The following SNX18 variants were observed in gnomAD, a reference collection of about 807,000 sequenced individuals.
The protein encoded by SNX18 is sorting nexin-18.
Under a neutral mutation model 48.7 loss-of-function variants are expected in SNX18, and 35 were observed. That is an observed-to-expected ratio of 0.72 (90% CI 0.55 to 0.95). The LOEUF is 0.95. SNX18 is among the 40% of genes least tolerant of loss of function. The pLI is 0.00. For synonymous variants in SNX18, 492 were observed against 384.7 expected (o/e 1.28, Z -3.26); for missense variants, 824 against 871.0 (o/e 0.95, Z 0.68).
At position 54,518,836 on chromosome 5, in the gene SNX18, A is replaced by C; in HGVS notation, c.884A>C (p.Tyr295Ser). 6.2e-7 allele frequency: 1 copy of C among 1,610,316 alleles called. No individual in the cohort carries two copies. The highest frequency in any genetic ancestry group is 1.3e-5 in the African/African-American group (1 of 74,958). The change falls in exon 1 of 2, where the codon TAC (tyrosine) becomes TCC (serine). Residue 295 changes from tyrosine to serine, a missense_variant. Transcript: ENST00000381410. The stretch of plus-strand genomic sequence containing the variant: ...ACCAAGTTCAAGGGCATGAAGAGCT[A>C]CATCTCCTACAAGCTGGTGCCCACG... ...KQTKFKGMKS[Y>S]ISYKLVPTHT...
chr5:54,560,841 T>G, the SNX18 span, among the ~76,000 whole-genome samples: 2 of 152,104 alleles, frequency 1.3e-5, no homozygotes, highest in African/African-American at 4.8e-5. Flanking sequence ...CTTGGAACCA[T>G]CAAGCAGATC....
Position 54,520,194 on chromosome 5 carries a change from GTTGTTTAGGAAAA to G in SNX18, c.1621+631_1621+643del, listed in dbSNP as rs545293785. On this transcript the variant is annotated intron_variant, in intron 1 of 1. Transcript: ENST00000381410. ...CTATTAATGTACTGAAATTGAGAAC[GTTGTTTAGGAAAA>G]TTGTTTAGGGAAACTACATAGAATG... 4.7e-4 allele frequency: 102 copies of G among 218,562 alleles called. 1 individual carries two copies. In the East Asian group the frequency reaches 8.8e-3, roughly 19 times the overall value. The allele number at this position is 218,562 out of a possible 1,614,324, so 13.5% of individuals were successfully genotyped here.
intron 1 of SNX18, among the ~76,000 whole-genome samples, chr5:54,537,525 C>T (rs1449281757): frequency 1.3e-5 from 2 of 152,162 alleles, no homozygotes; most frequent in African/African-American, 2.4e-5. Context: ...TAAAGCTGTT[C>T]CCCTAACTAT....
rs774883915 is a variant in SNX18 at position 54,519,281 on chromosome 5, G to T, written c.1329G>T (p.Leu443=). The change falls in exon 1 of 2, where the codon CTG becomes CTT. Residue 443 remains leucine (L), a synonymous_variant. Transcript: ENST00000381410. ...CFTKKMDDSA[L]QLNHTANEFA... is the part of the protein sequence containing the mutation. ...CCAAGAAGATGGACGACAGCGCGCT[G>T]CAGCTCAACCACACGGCCAACGAGT... The T allele has an allele frequency of 2.5e-6, 4 of 1,614,016 alleles. No individual in the cohort carries two copies. In the Admixed American group the frequency reaches 6.7e-5, roughly 27 times the overall value.
At chr5:54,555,221 G>A in the SNX18 span, among the ~76,000 whole-genome samples, 20 of 152,330 alleles carry the variant, frequency 1.3e-4, no homozygotes, top group South Asian at 2.1e-3. Flanking sequence ...TTGGTTAGGT[G>A]TCCTCTGTTG....
chr5:54,525,717 A>G (rs1762120275), intron 1 of SNX18, among the ~76,000 whole-genome samples: 1 of 152,124 alleles, frequency 6.6e-6, no homozygotes, highest in African/African-American at 2.4e-5. Context: ...CAGTTTCCTC[A>G]TCTGTAAAAG....
the SNX18 span, among the ~76,000 whole-genome samples, chr5:54,559,191 A>G: frequency 2.6e-5 from 4 of 152,206 alleles, no homozygotes; most frequent in African/African-American, 4.8e-5. Context: ...TTAAACTATC[A>G]ATGACATTCT....
At chr5:54,590,626 G>A in the SNX18 span, among the ~76,000 whole-genome samples, 1 of 151,986 alleles carries the variant, frequency 6.6e-6, no homozygotes, top group African/African-American at 2.4e-5. Flanking sequence ...CCAATCTTTG[G>A]TCTTTATTCC....
intron 1 of SNX18, among the ~76,000 whole-genome samples, chr5:54,525,483 A>C (rs1317662301): frequency 6.6e-6 from 1 of 152,234 alleles, no homozygotes; most frequent in African/African-American, 2.4e-5. Context: ...GCAAAAGTAC[A>C]AAAGCTCAAG....
At chr5:54,606,334 T>C in the SNX18 span, among the ~76,000 whole-genome samples, 2 of 152,264 alleles carry the variant, frequency 1.3e-5, no homozygotes, top group Non-Finnish European at 2.9e-5. Context: ...TCATCTATCA[T>C]AAAAATAATC....
chr5:54,565,292 C>T, the SNX18 span, among the ~76,000 whole-genome samples: 1 of 152,048 alleles, frequency 6.6e-6, no homozygotes, highest in Non-Finnish European at 1.5e-5. Flanking sequence ...TCTAGGAGTC[C>T]ATCCCGTAGA....
the SNX18 span, among the ~76,000 whole-genome samples, chr5:54,637,565 GATA>G: frequency 6.6e-6 from 1 of 152,118 alleles, no homozygotes; most frequent in African/African-American, 2.4e-5. Flanking sequence ...CGCTAGAAAA[GATA>G]ATAAAAATAG....
the SNX18 span, chr5:54,643,487 A>C: frequency 6.6e-6 from 1 of 152,174 alleles, no homozygotes; most frequent in Non-Finnish European, 1.5e-5. Flanking sequence ...ATCTAAATAA[A>C]TCATATTACC....
At chr5:54,603,027 T>C in the SNX18 span, among the ~76,000 whole-genome samples, 6 of 152,112 alleles carry the variant, frequency 3.9e-5, no homozygotes, top group Non-Finnish European at 8.8e-5. Flanking sequence ...AGAAACCTCA[T>C]GGCAATGTTT....
At chr5:54,558,094 A>C in the SNX18 span, among the ~76,000 whole-genome samples, 2 of 152,286 alleles carry the variant, frequency 1.3e-5, no homozygotes, top group East Asian at 1.9e-4. Context: ...CCTATTTTGC[A>C]GGTAAAAAAG....
chr5:54,518,306 C>T lies in SNX18; in HGVS notation c.354C>T (p.Thr118=), dbSNP rs1761917848. The change falls in exon 1 of 2, where the codon ACC becomes ACT. Residue 118 remains threonine (T), a synonymous_variant. Transcript: ENST00000381410. ...CACAGCAGGCGCCGCCTCCGAGCAC[C>T]TTCCAGCCGCCCGGCGCGGGCTTCC... is the stretch of plus-strand genomic sequence containing the variant. ...LQPQQAPPPS[T]FQPPGAGFPY... 6 of 1,531,642 alleles carry T rather than the reference C, an allele frequency of 3.9e-6. No homozygotes were observed. The highest frequency in any genetic ancestry group is 5.3e-6 in the Non-Finnish European group (6 of 1,142,206). 94.9% of individuals were successfully genotyped at this position (1,531,642 alleles called of 1,614,324 possible).
Position 54,519,535 on chromosome 5 carries a change from A to G in SNX18, c.1583A>G (p.His528Arg). 1 of 1,614,212 alleles carries G rather than the reference A, an allele frequency of 6.2e-7. No homozygotes were observed. Among genetic ancestry groups the G allele is most frequent in the Non-Finnish European group, 8.5e-7 (1 of 1,180,030 alleles). ...GACCTATTAGCGCTGTATCAGGGGC[A>G]TCTGGCTAACTTCCCGGACATCATC... ...VMDLLALYQG[H>R]LANFPDIIHV... The change falls in exon 1 of 2, where the codon CAT (histidine) becomes CGT (arginine). Residue 528 changes from histidine to arginine, a missense_variant. Around this residue, in one of 3 missense-constraint regions of SNX18, gnomAD observed 443 missense variants for 503.6 expected, o/e 0.88. Coordinates refer to ENST00000381410, the MANE Select transcript of SNX18 (RefSeq NM_001102575.2).
At chr5:54,619,153 C>G in the SNX18 span, among the ~76,000 whole-genome samples, 2 of 151,982 alleles carry the variant, frequency 1.3e-5, no homozygotes, top group Non-Finnish European at 2.9e-5. Flanking sequence ...GGAAGGCCCC[C>G]GCTCCAAAGA....
chr5:54,588,308 T>TC, the SNX18 span, among the ~76,000 whole-genome samples: 1 of 5,576 alleles, frequency 1.8e-4, no homozygotes, highest in Non-Finnish European at 3.8e-4. Context: ...TTTCTATTCT[T>TC]TTTTTTTTTT....
Sources: allele counts gnomAD v4.1 joint callset (sites outside exome capture counted in the v4.1 genomes callset), GRCh38; gene constraint gnomAD v4.1.1; regional missense constraint gnomAD v4.1.1; transcripts MANE v1.5; gene names NCBI Gene and HGNC (gene_info 2026-07-23, HGNC 2026-07-21).